Variants in SLC12A5 observed in about 807,000 individuals in gnomAD.
The protein encoded by SLC12A5 is K-Cl cotransporter 2.
A neutral mutation model predicts 124.0 loss-of-function variants in SLC12A5; 18 were observed. The ratio of observed to expected loss-of-function variants is 0.15; its 90% CI spans 0.10 to 0.22. The LOEUF (loss-of-function observed/expected upper bound fraction) is 0.22, where lower values mean the gene tolerates loss of function less well. SLC12A5 is among the 10% of genes least tolerant of loss of function. The pLI, the probability that SLC12A5 is intolerant of heterozygous loss-of-function variation, is 1.00. For missense variants in SLC12A5, 867 were observed against 1,478.7 expected (o/e 0.59, Z 6.78); for synonymous variants, 589 against 568.0 (o/e 1.04, Z -0.53).
chr20:46,055,731 T>A (rs896279896), intron 21 of SLC12A5: 43 of 202,606 alleles, frequency 2.1e-4, no homozygotes, highest in African/African-American at 9.3e-4. Context: ...AATGTATTTA[T>A]CAGAATGTGG....
chr20:46,031,726 C>T (rs941633515), intron 1 of SLC12A5, among the ~76,000 whole-genome samples: 2 of 152,176 alleles, frequency 1.3e-5, no homozygotes, highest in Non-Finnish European at 2.9e-5. Flanking sequence ...GTTTCCTCCC[C>T]GGGAGCTCTG....
Position 46,031,341 on chromosome 20 carries a change from T to C in SLC12A5, c.52+1945T>C, listed in dbSNP as rs910474524. On this transcript the variant is annotated intron_variant, in intron 1 of 25. Coordinates refer to ENST00000243964, the MANE Select transcript of SLC12A5 (RefSeq NM_020708.5). Reference sequence around the variant, plus strand: ...TAGGGTCCAGGACCTGGAACTCAAATGGCCAGAACCTGGGTCATGTGCTGT... The same window carrying C: ...TAGGGTCCAGGACCTGGAACTCAAACGGCCAGAACCTGGGTCATGTGCTGT... Among the ~76,000 whole-genome samples, 4 of 152,072 alleles carry C rather than the reference T, an allele frequency of 2.6e-5. No homozygotes were observed. The East Asian group carries it at 5.8e-4, about 22-fold the overall frequency.
chr20:46,021,720 G>C (rs1217404622), upstream of SLC12A5: 2 of 1,528,048 alleles, frequency 1.3e-6, no homozygotes, highest in East Asian at 2.5e-5. Context: ...GCAGCCACTT[G>C]TGCGATCCCG....
chr20:46,036,360 T>C (rs1216091171), intron 4 of SLC12A5, among the ~76,000 whole-genome samples: 1 of 152,216 alleles, frequency 6.6e-6, no homozygotes, highest in Non-Finnish European at 1.5e-5. Flanking sequence ...TTACATGTCC[T>C]CGTACATAAC....
Position 46,059,682 on chromosome 20 carries a change from C to T in SLC12A5, c.*2077C>T. On this transcript the variant is annotated 3_prime_UTR_variant, in exon 26 of 26. Coordinates refer to ENST00000243964, the MANE Select transcript of SLC12A5 (RefSeq NM_020708.5). ...ACCCAAGTTTTCTGTGCTACATGTG[C>T]AATATTTGTTATGAATGTTATCACA... is the stretch of plus-strand genomic sequence containing the variant. 5.0e-6 allele frequency: 2 copies of T among 399,010 alleles called. No homozygotes were observed. The highest frequency in any genetic ancestry group is 8.8e-6 in the Non-Finnish European group (2 of 226,054). 24.7% of individuals were successfully genotyped at this position (399,010 alleles called of 1,614,324 possible).
chr20:46,049,985 C>T (rs1009515039), intron 17 of SLC12A5, among the ~76,000 whole-genome samples, 195 bp downstream of exon 17: 1 of 152,172 alleles, frequency 6.6e-6, no homozygotes. Context: ...CATGAAAGAC[C>T]ATCAGAGGCA....
In SLC12A5 at chr20:46,059,207, A is replaced by G; in HGVS notation, c.*1602A>G. ...CCCCAGGGCCCTGACCTGCGCACCT[A>G]GCTTGACATCTCACGCACCTCCCAG... On this transcript the variant is annotated 3_prime_UTR_variant, in exon 26 of 26. Coordinates refer to ENST00000243964, the MANE Select transcript of SLC12A5 (RefSeq NM_020708.5). 1 of 232,732 alleles carries G rather than the reference A, an allele frequency of 4.3e-6. No individual in the cohort carries two copies. Among genetic ancestry groups the G allele is most frequent in the Non-Finnish European group, 8.2e-6 (1 of 121,630 alleles). 14.4% of individuals were successfully genotyped at this position (232,732 alleles called of 1,614,324 possible).
At position 46,051,881 on chromosome 20, in the gene SLC12A5, T is replaced by C. The variant is rs200711640; in HGVS notation, c.2377+11T>C. The C allele has an allele frequency of 1.2e-5, 5 of 432,864 alleles. No individual in the cohort carries two copies. The East Asian group carries it at 4.3e-4, about 37-fold the overall frequency. The allele number at this position is 432,864 out of a possible 1,614,324, so 26.8% of individuals were successfully genotyped here. On this transcript the variant is annotated intron_variant, in intron 18 of 25. Coordinates refer to ENST00000243964, the MANE Select transcript of SLC12A5 (RefSeq NM_020708.5). Reference sequence around the variant, plus strand: ...GGAGGAACTTCATTGGTAACGCTATTGGGGGCTGGGGACAGAAGAGGGGTG... The same window carrying C: ...GGAGGAACTTCATTGGTAACGCTATCGGGGGCTGGGGACAGAAGAGGGGTG...
intron 1 of SLC12A5, among the ~76,000 whole-genome samples, chr20:46,032,783 T>A (rs1056625668): frequency 3.9e-5 from 6 of 152,200 alleles, no homozygotes; most frequent in African/African-American, 1.4e-4. Flanking sequence ...CACACCATGA[T>A]GTGCTGAGAA....
chr20:46,058,643 C>T lies in SLC12A5; in HGVS notation c.*1038C>T. 2 of 399,050 alleles carry T rather than the reference C, an allele frequency of 5.0e-6. No individual in the cohort carries two copies. Among genetic ancestry groups the T allele is most frequent in the Non-Finnish European group, 8.8e-6 (2 of 226,086 alleles). 24.7% of individuals were successfully genotyped at this position (399,050 alleles called of 1,614,324 possible). ...AGGCGTCTCTCCTCAGTCGGCTTGT[C>T]GCCTGCTCCCCGTATCCCATGGCTC... is the stretch of plus-strand genomic sequence containing the variant. On this transcript the variant is annotated 3_prime_UTR_variant, in exon 26 of 26. Coordinates refer to ENST00000243964, the MANE Select transcript of SLC12A5 (RefSeq NM_020708.5). This position sits in a 1 kb window ranked among gnomAD's most constrained non-coding sequence, Gnocchi z 5.8.
intron 1 of SLC12A5, 112 bp from the exon 2 acceptor site, chr20:46,034,836 T>TC (rs1198514958): frequency 1.1e-6 from 1 of 928,302 alleles, no homozygotes; most frequent in Non-Finnish European, 1.7e-6. Flanking sequence ...AGCCCCATTT[T>TC]CCCAATGCGC....
At chr20:46,030,084 A>G (rs1228434829) in intron 1 of SLC12A5, among the ~76,000 whole-genome samples, 1 of 151,978 alleles carries the variant, frequency 6.6e-6, no homozygotes, top group Non-Finnish European at 1.5e-5. Flanking sequence ...TACTTCCTCC[A>G]TAGATTTTCA....
In SLC12A5 at chr20:46,053,223, T is replaced by G; in HGVS notation, c.2547+97T>G. ...ACAACTGCAGGTCAGACTCAGGGGC[T>G]CTGGCCAGGGTCAGCTTCCGTGTCC... On this transcript the variant is annotated intron_variant, in intron 19 of 25. Coordinates refer to ENST00000243964, the MANE Select transcript of SLC12A5 (RefSeq NM_020708.5). The surrounding 1 kb of genome is among the most constrained non-coding windows in gnomAD (Gnocchi z 4.7). 2 of 1,370,772 alleles carry G rather than the reference T, an allele frequency of 1.5e-6. No individual in the cohort carries two copies. Among genetic ancestry groups the G allele is most frequent in the African/African-American group, 2.9e-5 (2 of 69,482 alleles). The allele number at this position is 1,370,772 out of a possible 1,614,324, so 84.9% of individuals were successfully genotyped here.
In SLC12A5 at chr20:46,039,865, G is replaced by T. The variant is rs543475577; in HGVS notation, c.613-508G>T. Among the ~76,000 whole-genome samples, 3 of 151,734 alleles carry T rather than the reference G, an allele frequency of 2.0e-5. No individual in the cohort carries two copies. The South Asian group carries it at 6.3e-4, about 32-fold the overall frequency. ...CATCATCTTTTTTAATAGCTCCATA[G>T]TCTGTGGGGATATCATGATTTATTC... On this transcript the variant is annotated intron_variant, in intron 6 of 25. Coordinates refer to ENST00000243964, the MANE Select transcript of SLC12A5 (RefSeq NM_020708.5).
intron 18 of SLC12A5, 32 bp from the exon 19 acceptor site, chr20:46,052,925 C>T (rs376713301): frequency 4.1e-5 from 64 of 1,575,786 alleles, no homozygotes; most frequent in Non-Finnish European, 5.4e-5. Flanking sequence ...GTCACTGTTT[C>T]CCCCTCTGGC....
chr20:46,026,321 G>A (rs757365001), upstream of SLC12A5, among the ~76,000 whole-genome samples: 9 of 152,140 alleles, frequency 5.9e-5, no homozygotes, highest in Non-Finnish European at 1.3e-4. Flanking sequence ...TTTAGTGAGA[G>A]GGTTTCTCTG....
chr20:46,057,787 C>T lies in SLC12A5; in HGVS notation c.*182C>T, dbSNP rs896054557. ...GGCTGATTCGGAGAGGGCGCCCCGC[C>T]GCGCAGAGACCAGAGCTCCTCAGTG... On this transcript the variant is annotated 3_prime_UTR_variant, in exon 26 of 26. Coordinates refer to ENST00000243964, the MANE Select transcript of SLC12A5 (RefSeq NM_020708.5). This position sits in a 1 kb window ranked among gnomAD's most constrained non-coding sequence, Gnocchi z 7.1. The T allele has an allele frequency of 2.3e-5, 13 of 565,424 alleles. No homozygotes were observed. Among genetic ancestry groups the T allele is most frequent in the Admixed American group, 1.4e-4 (4 of 27,734 alleles). The allele number at this position is 565,424 out of a possible 1,614,324, so 35.0% of individuals were successfully genotyped here.
chr20:46,026,886 C>T (rs149318348), upstream of SLC12A5, among the ~76,000 whole-genome samples: 43 of 152,316 alleles, frequency 2.8e-4, no homozygotes, highest in East Asian at 7.7e-3. Flanking sequence ...TTCACCCGTA[C>T]TCCCTAGAAT....
rs1340633455 is a variant in SLC12A5 at position 46,053,165 on chromosome 20, T to C, written c.2547+39T>C. Reference sequence around the variant, plus strand: ...GTGAGTGTATGCACGTGTGAGTGTGTGTATGCATGTATGCATTTGTGTGCA... The same window carrying C: ...GTGAGTGTATGCACGTGTGAGTGTGCGTATGCATGTATGCATTTGTGTGCA... On this transcript the variant is annotated intron_variant, in intron 19 of 25. Coordinates refer to ENST00000243964, the MANE Select transcript of SLC12A5 (RefSeq NM_020708.5). This position sits in a 1 kb window ranked among gnomAD's most constrained non-coding sequence, Gnocchi z 4.7. 5 of 1,575,672 alleles carry C rather than the reference T, an allele frequency of 3.2e-6. No individual in the cohort carries two copies. In the South Asian group the frequency reaches 5.6e-5, roughly 18 times the overall value.
Sources: allele counts gnomAD v4.1 joint callset (sites outside exome capture counted in the v4.1 genomes callset), GRCh38; gene constraint gnomAD v4.1.1; non-coding constraint Gnocchi (gnomAD v3.1); transcripts MANE v1.5; gene names NCBI Gene and HGNC (gene_info 2026-07-23, HGNC 2026-07-21).